The following TOP2B variants were observed in gnomAD, a reference collection of about 807,000 sequenced individuals.
TOP2B encodes the protein DNA topoisomerase 2-beta.
A neutral mutation model predicts 193.5 loss-of-function variants in TOP2B; 51 were observed. The observed-to-expected ratio is 0.26, with a 90% CI of 0.21 to 0.33. TOP2B has a LOEUF of 0.33. Among genes scored for constraint, TOP2B ranks in the 10% least tolerant of loss-of-function variants. The pLI, the probability that TOP2B is intolerant of heterozygous loss-of-function variation, is 1.00. For synonymous variants in TOP2B, 634 were observed against 635.7 expected (o/e 1.00, Z 0.04); for missense variants, 1,378 against 1,909.3 (o/e 0.72, Z 5.19).
chr3:25,606,168 C>T (rs1180465864), intron 31 of TOP2B, 46 bp from the exon 32 acceptor site: 5 of 914,448 alleles, frequency 5.5e-6, no homozygotes, highest in Non-Finnish European at 8.0e-6. Context: ...ATTTAAATAT[C>T]TGATTTCAAT....
At chr3:25,645,187 A>T in intron 2 of TOP2B, 113 bp downstream of exon 2, 1 of 986,848 alleles carries the variant, frequency 1.0e-6, no homozygotes, top group Non-Finnish European at 1.5e-6. Flanking sequence ...TTTGACTATG[A>T]CAGATGAAAT....
chr3:25,618,978 C>G (rs1289709546), intron 23 of TOP2B, 129 bp from the exon 24 acceptor site: 1 of 608,896 alleles, frequency 1.6e-6, no homozygotes, highest in East Asian at 3.1e-5. Flanking sequence ...ACAGACTACC[C>G]CTAAAAACCA....
At chr3:25,647,473 C>T (rs561210233) in intron 1 of TOP2B, among the ~76,000 whole-genome samples, 1 of 152,206 alleles carries the variant, frequency 6.6e-6, no homozygotes, top group Admixed American at 6.5e-5. Context: ...GATAACCATA[C>T]AAATAAAAGC....
intron 7 of TOP2B, among the ~76,000 whole-genome samples, chr3:25,635,540 T>C (rs1054216253): frequency 3.9e-5 from 6 of 152,068 alleles, no homozygotes; most frequent in Non-Finnish European, 8.8e-5. Flanking sequence ...ATGGAAATGT[T>C]AAAAACAAAA....
intron 6 of TOP2B, 54 bp downstream of exon 6, chr3:25,637,161 G>C (rs1703127285): frequency 1.5e-6 from 2 of 1,358,828 alleles, no homozygotes; most frequent in Admixed American, 4.1e-5. Flanking sequence ...TACTATCTCG[G>C]CAAGATAATA....
intron 27 of TOP2B, among the ~76,000 whole-genome samples, chr3:25,613,727 CA>C (rs557958078): frequency 4.6e-4 from 56 of 122,960 alleles, no homozygotes; most frequent in Admixed American, 8.4e-4. Context: ...GACCATGTCT[CA>C]AAAAAAAAAA....
chr3:25,660,370 T>G (rs777337176), intron 1 of TOP2B, among the ~76,000 whole-genome samples: 1 of 152,188 alleles, frequency 6.6e-6, no homozygotes, highest in Non-Finnish European at 1.5e-5. Flanking sequence ...TAAGGCAAAG[T>G]TATCATGCAT....
chr3:25,611,375 G>C (rs753242856), intron 28 of TOP2B, among the ~76,000 whole-genome samples: 6 of 152,160 alleles, frequency 3.9e-5, no homozygotes, highest in South Asian at 4.1e-4. Context: ...GAACAGAAGA[G>C]AAAGGCTACT....
At chr3:25,601,987 T>G (rs1702106467) in intron 33 of TOP2B, among the ~76,000 whole-genome samples, 1 of 152,180 alleles carries the variant, frequency 6.6e-6, no homozygotes, top group Non-Finnish European at 1.5e-5. Context: ...GGCATTTTTA[T>G]GTGGAAAGAA....
chr3:25,656,569 C>T (rs1703752351), intron 1 of TOP2B, among the ~76,000 whole-genome samples: 1 of 151,922 alleles, frequency 6.6e-6, no homozygotes, highest in Non-Finnish European at 1.5e-5. Context: ...TCTTTTATTG[C>T]TCTAGTTTTT....
In TOP2B at chr3:25,619,957, C is replaced by T; in HGVS notation, c.2968G>A (p.Val990Met). The T allele has an allele frequency of 1.9e-6, 3 of 1,612,926 alleles. No individual in the cohort carries two copies. The highest frequency in any genetic ancestry group is 2.5e-6 in the Non-Finnish European group (3 of 1,179,452). The part of the protein sequence containing the change: ...EYHTDTTVKF[V>M]VKMTEEKLAQ... ...AGTTTCTCTTCAGTCATTTTCACCA[C>T]AAATTTCACAGTTGTGTCAGTATGA... The change falls in exon 23 of 36, where the codon GTG (valine) becomes ATG (methionine). Residue 990 changes from valine to methionine, a missense_variant. By Grantham distance (21) the Val-to-Met change is conservative. Around this residue, in one of 9 missense-constraint regions of TOP2B, gnomAD observed 379 missense variants for 615.1 expected, o/e 0.62. Coordinates refer to ENST00000264331, the MANE Select transcript of TOP2B (RefSeq NM_001330700.2).
chr3:25,606,283 CTT>C (rs1420646845), intron 31 of TOP2B, among the ~76,000 whole-genome samples, 161 bp from the exon 32 acceptor site: 1 of 152,068 alleles, frequency 6.6e-6, no homozygotes, highest in Non-Finnish European at 1.5e-5. Context: ...TAATAAAACT[CTT>C]TCTCTCTTAT....
rs1383866836 is a variant in TOP2B, at chr3:25,598,419, A to G, written c.4769T>C (p.Phe1590Ser). ...TGGCAGAGAAGGTGGCTCAGTAGGG[A>G]AGTCTGAGGGGAAGATGTCCACATC... ...DSDVDIFPSD[F>S]PTEPPSLPRT... The change falls in exon 36 of 36, where the codon TTC (phenylalanine) becomes TCC (serine). Residue 1590 changes from phenylalanine (F) to serine (S), a missense_variant. Phe to Ser is a radical substitution (Grantham distance 155, BLOSUM62 -2). Coordinates refer to ENST00000264331, the MANE Select transcript of TOP2B (RefSeq NM_001330700.2). 3 of 1,613,412 alleles carry G rather than the reference A, an allele frequency of 1.9e-6. No homozygotes were observed. Among genetic ancestry groups the G allele is most frequent in the Non-Finnish European group, 1.7e-6 (2 of 1,179,576 alleles).
intron 1 of TOP2B, among the ~76,000 whole-genome samples, chr3:25,651,851 G>A (rs149837466): frequency 1.3e-5 from 2 of 151,072 alleles, no homozygotes; most frequent in East Asian, 3.9e-4. Context: ...GACAACAGAG[G>A]GAGATTGTGT....
intron 15 of TOP2B, among the ~76,000 whole-genome samples, chr3:25,627,943 C>G (rs12107072): frequency 6.6e-6 from 1 of 151,848 alleles, no homozygotes; most frequent in Non-Finnish European, 1.5e-5. Flanking sequence ...TGCCTGTAAT[C>G]TCAGCTACTT....
At chr3:25,629,464 C>T (rs1358267042) in intron 13 of TOP2B, among the ~76,000 whole-genome samples, 10 of 151,914 alleles carry the variant, frequency 6.6e-5, no homozygotes, top group Non-Finnish European at 1.5e-4. Context: ...CCTTAATGGG[C>T]AATGGTAGGG....
intron 20 of TOP2B, 80 bp from the exon 21 acceptor site, chr3:25,623,826 C>A: frequency 1.2e-6 from 1 of 845,022 alleles, no homozygotes; most frequent in Non-Finnish European, 1.8e-6. Flanking sequence ...AAAAACTTCA[C>A]ACTGCAAAAA....
chr3:25,632,422 A>T (rs1165745646), intron 10 of TOP2B, 24 bp downstream of exon 10: 5 of 1,495,754 alleles, frequency 3.3e-6, no homozygotes, highest in South Asian at 2.6e-5. Flanking sequence ...TAACAACAAT[A>T]AAAAAAATAC....
chr3:25,654,309 G>A (rs546496121), intron 1 of TOP2B, among the ~76,000 whole-genome samples: 1 of 152,040 alleles, frequency 6.6e-6, no homozygotes, highest in Admixed American at 6.5e-5. Context: ...ATCAAAAAAG[G>A]AAATTATGAA....
Sources: gnomAD v4.1 joint callset for allele counts (sites outside exome capture counted in the v4.1 genomes callset) on GRCh38, gnomAD v4.1.1 for gene constraint, gnomAD v4.1.1 regional missense constraint, MANE v1.5 for transcripts, NCBI Gene and HGNC (gene_info 2026-07-23, HGNC 2026-07-21) for gene names.